PCDH15: variants seen among roughly 807,000 people sequenced by gnomAD.
PCDH15 encodes protocadherin related 15, also known as protocadherin-15.
A neutral mutation model predicts 178.5 loss-of-function variants in PCDH15; 129 were observed. That is an observed-to-expected ratio of 0.72 (90% CI 0.63 to 0.84). The LOEUF is 0.84. Ranked by LOEUF, PCDH15 falls within the 40% of genes least tolerant of loss-of-function variation. The probability of loss-of-function intolerance (pLI) is 0.00; values close to 1 mark genes in which losing one functional copy is unlikely to be tolerated. For missense variants in PCDH15, 2,230 were observed against 2,099.9 expected (o/e 1.06, Z -1.21); for synonymous variants, 800 against 732.0 (o/e 1.09, Z -1.50).
At chr10:55,512,904 A>C (rs536646918) in intron 2 of PCDH15, 2 of 152,264 alleles carry the variant, frequency 1.3e-5, no homozygotes, top group African/African-American at 4.8e-5. Context: ...GGAGCAATTA[A>C]GGGAGAAATA....
At chr10:55,205,280 G>A (rs772483941) in intron 1 of PCDH15, among the ~76,000 whole-genome samples, 10 of 151,830 alleles carry the variant, frequency 6.6e-5, no homozygotes, top group African/African-American at 2.4e-4. Context: ...TAAACCTAAA[G>A]TATTTAGAAT....
chr10:55,594,753 C>A (rs2132135668), intron 2 of PCDH15, among the ~76,000 whole-genome samples: 1 of 152,058 alleles, frequency 6.6e-6, no homozygotes, highest in African/African-American at 2.4e-5. Flanking sequence ...AAATATAAAT[C>A]AATTCACTCT....
chr10:54,744,645 T>C (rs1194008690), intron 1 of PCDH15, among the ~76,000 whole-genome samples: 2 of 152,238 alleles, frequency 1.3e-5, no homozygotes, highest in South Asian at 2.1e-4. Flanking sequence ...ACTTATAGAA[T>C]GTATGGGAGG....
intron 15 of PCDH15, among the ~76,000 whole-genome samples, chr10:54,099,519 T>A (rs1204434643): frequency 0.011 from 821 of 77,282 alleles, 3 homozygotes; most frequent in Non-Finnish European, 0.018. Context: ...AAAAAATATA[T>A]ATATATATAT....
intron 3 of PCDH15, among the ~76,000 whole-genome samples, chr10:54,483,504 T>G (rs1344351070): frequency 6.6e-6 from 1 of 151,908 alleles, no homozygotes; most frequent in East Asian, 1.9e-4. Context: ...CTTCTCATTC[T>G]CTTGTAATTT....
chr10:54,533,435 A>T (rs1451062528), intron 2 of PCDH15, among the ~76,000 whole-genome samples: 1 of 152,174 alleles, frequency 6.6e-6, no homozygotes, highest in Non-Finnish European at 1.5e-5. Flanking sequence ...TATTTGGAAC[A>T]AGTTATGAAA....
At chr10:55,351,004 C>T (rs1390454504) in intron 2 of PCDH15, among the ~76,000 whole-genome samples, 10 of 92,868 alleles carry the variant, frequency 1.1e-4, no homozygotes, top group Non-Finnish European at 1.8e-4. Flanking sequence ...CCTGTCTCCT[C>T]CCCCTCCCTC....
chr10:53,944,475 A>G (rs1564828752), intron 23 of PCDH15, among the ~76,000 whole-genome samples: 1 of 152,246 alleles, frequency 6.6e-6, no homozygotes, highest in Non-Finnish European at 1.5e-5. Context: ...TTCTAAAAAA[A>G]TATTTTCTCT....
At chr10:54,331,704 G>A (rs770388531) in intron 6 of PCDH15, among the ~76,000 whole-genome samples, 77 of 151,846 alleles carry the variant, frequency 5.1e-4, no homozygotes, top group Admixed American at 3.6e-3. Flanking sequence ...ATATATATTG[G>A]TTTCTAGCAT....
chr10:53,986,796 G>A (rs1256026095), intron 21 of PCDH15, among the ~76,000 whole-genome samples: 1 of 152,182 alleles, frequency 6.6e-6, no homozygotes, highest in African/African-American at 2.4e-5. Context: ...AAGCAGAGGT[G>A]GTTGTCAGGG....
intron 3 of PCDH15, among the ~76,000 whole-genome samples, chr10:54,502,737 A>C (rs2137482244): frequency 6.6e-6 from 1 of 152,184 alleles, no homozygotes; most frequent in South Asian, 2.1e-4. Flanking sequence ...ATGAGGCTTA[A>C]TGCTTTATTG....
intron 2 of PCDH15, among the ~76,000 whole-genome samples, chr10:54,929,873 T>G (rs999066354): frequency 2.6e-5 from 4 of 152,218 alleles, no homozygotes; most frequent in Admixed American, 1.3e-4. Context: ...ATATCTGGTC[T>G]GCTGTACCAT....
chr10:55,602,927 AT>A (rs1369373390), intron 2 of PCDH15, among the ~76,000 whole-genome samples: 3 of 152,170 alleles, frequency 2.0e-5, no homozygotes, highest in Non-Finnish European at 4.4e-5. Flanking sequence ...GCTTCAGACG[AT>A]CAAATTACTC....
chr10:54,157,180 G>T (rs535426052), intron 13 of PCDH15, among the ~76,000 whole-genome samples: 6 of 152,208 alleles, frequency 3.9e-5, no homozygotes, highest in Admixed American at 6.5e-5. Flanking sequence ...GCCCCAGTAG[G>T]GACTCTGTGT....
At position 54,622,569 on chromosome 10, in the gene PCDH15, G is replaced by GTA. The variant is rs896266424; in HGVS notation, c.91+41601_91+41602dup. Among the ~76,000 whole-genome samples, 52 of 38,092 alleles carry GTA rather than the reference G, an allele frequency of 1.4e-3. 1 individual carries two copies. Among genetic ancestry groups the GTA allele is most frequent in the East Asian group, 4.1e-3 (6 of 1,450 alleles). 25.0% of individuals were successfully genotyped at this position (38,092 alleles called of 152,430 possible). ...TGTCAAACATCATTGTAACCTGTGT[G>GTA]TATATATATATATAATATATATAAT... On this transcript the variant is annotated intron_variant, in intron 2 of 37. Transcript: ENST00000644397.
intron 20 of PCDH15, among the ~76,000 whole-genome samples, chr10:54,010,686 C>A (rs139294702): frequency 1.3e-5 from 2 of 152,282 alleles, no homozygotes; most frequent in East Asian, 3.9e-4. Flanking sequence ...ACTGCAGCTA[C>A]CCTTGGGCTG....
intron 18 of PCDH15, among the ~76,000 whole-genome samples, chr10:54,037,297 G>A (rs1168045352): frequency 6.6e-6 from 1 of 151,864 alleles, no homozygotes; most frequent in African/African-American, 2.4e-5. Context: ...AGCATCACTA[G>A]CTACAGAAAA....
intron 2 of PCDH15, among the ~76,000 whole-genome samples, chr10:55,033,351 C>T (rs1840657509): frequency 6.6e-6 from 1 of 152,144 alleles, no homozygotes; most frequent in Admixed American, 6.5e-5. Context: ...GAGCTGTACC[C>T]AGCAAAGCCA....
chr10:54,612,778 T>G (rs926931039), intron 2 of PCDH15, among the ~76,000 whole-genome samples: 1 of 151,788 alleles, frequency 6.6e-6, no homozygotes, highest in Non-Finnish European at 1.5e-5. Context: ...TTTATTAATT[T>G]ACACAGTATA....
Sources: gnomAD v4.1 joint callset for allele counts (sites outside exome capture counted in the v4.1 genomes callset) on GRCh38, gnomAD v4.1.1 for gene constraint, MANE v1.5 for transcripts, NCBI Gene and HGNC (gene_info 2026-07-23, HGNC 2026-07-21) for gene names.